The following SUMF1 variants were observed in gnomAD, a reference collection of about 807,000 sequenced individuals.
The protein encoded by SUMF1 is formylglycine-generating enzyme.
Under a neutral mutation model 47.6 loss-of-function variants are expected in SUMF1, and 48 were observed. That is an observed-to-expected ratio of 1.01 (90% CI 0.80 to 1.28). SUMF1 has a LOEUF of 1.28. Ranked by LOEUF, SUMF1 falls within the 50% of genes most tolerant of loss-of-function variation. The probability of loss-of-function intolerance (pLI) is 0.00; values close to 1 mark genes in which losing one functional copy is unlikely to be tolerated. For synonymous variants in SUMF1, 230 were observed against 192.1 expected (o/e 1.20, Z -1.63); for missense variants, 571 against 485.4 (o/e 1.18, Z -1.66).
intron 8 of SUMF1, among the ~76,000 whole-genome samples, chr3:4,303,110 T>A (rs1698013433): frequency 6.6e-6 from 1 of 152,210 alleles, no homozygotes; most frequent in African/African-American, 2.4e-5. Context: ...CCCTCTCTGA[T>A]GCTCCCAGGA....
At chr3:4,460,945 G>A (rs898937139) in intron 1 of SUMF1, among the ~76,000 whole-genome samples, 4 of 151,830 alleles carry the variant, frequency 2.6e-5, no homozygotes, top group African/African-American at 9.7e-5. Flanking sequence ...ATGAGCCACC[G>A]CATCCCACCC....
chr3:4,036,089 T>G lies in SUMF1; in HGVS notation c.1191+32480A>C, dbSNP rs368330692. 6.6e-5 allele frequency among the ~76,000 whole-genome samples: 10 copies of G among 152,268 alleles called. No homozygotes were observed. The East Asian group carries it at 1.4e-3, about 21-fold the overall frequency. ...TTGCTATTAGTGTTTAAAAAAATAA[T>G]GAATGTATTTAGCTCCCACTAGAAT... On this transcript the variant is annotated intron_variant and NMD_transcript_variant, in intron 9 of 12. Coordinates refer to the SUMF1 transcript ENST00000448413.
At chr3:4,299,266 C>G (rs1395550237) in intron 8 of SUMF1, among the ~76,000 whole-genome samples, 1 of 152,204 alleles carries the variant, frequency 6.6e-6, no homozygotes, top group Non-Finnish European at 1.5e-5. Context: ...GGAGAACAAA[C>G]AGCTCCCAGG....
At chr3:4,381,258 G>A (rs1174001685) in intron 7 of SUMF1, among the ~76,000 whole-genome samples, 1 of 152,168 alleles carries the variant, frequency 6.6e-6, no homozygotes, top group Non-Finnish European at 1.5e-5. Context: ...AACATCATAT[G>A]TTCTCACTCA....
At chr3:4,238,548 G>A (rs1452660841) in intron 8 of SUMF1, among the ~76,000 whole-genome samples, 1 of 152,144 alleles carries the variant, frequency 6.6e-6, no homozygotes, top group African/African-American at 2.4e-5. Flanking sequence ...TTTTTCATAT[G>A]TCTGTTGGCT....
At chr3:4,047,971 T>C (rs1012762144) in intron 9 of SUMF1, among the ~76,000 whole-genome samples, 2 of 152,138 alleles carry the variant, frequency 1.3e-5, no homozygotes, top group African/African-American at 4.8e-5. Context: ...CCTCATTTTA[T>C]GGATGGGGAA....
At chr3:4,104,092 T>C (rs926242940) in intron 8 of SUMF1, among the ~76,000 whole-genome samples, 1 of 152,138 alleles carries the variant, frequency 6.6e-6, no homozygotes, top group Non-Finnish European at 1.5e-5. Flanking sequence ...CCAAATCTCA[T>C]CTTGAATTGT....
chr3:4,248,442 T>C (rs1024136604), intron 8 of SUMF1, among the ~76,000 whole-genome samples: 2 of 152,164 alleles, frequency 1.3e-5, no homozygotes, highest in African/African-American at 4.8e-5. Context: ...GAAGAAAAGA[T>C]ACAAGACACA....
chr3:4,296,693 C>T (rs1230962594), intron 8 of SUMF1, among the ~76,000 whole-genome samples: 1 of 152,116 alleles, frequency 6.6e-6, no homozygotes, highest in African/African-American at 2.4e-5. Flanking sequence ...ACAGGAGCTA[C>T]AATTCAAGAT....
At chr3:4,163,753 A>T (rs1453750450) in intron 8 of SUMF1, among the ~76,000 whole-genome samples, 1 of 152,062 alleles carries the variant, frequency 6.6e-6, no homozygotes, top group Non-Finnish European at 1.5e-5. Context: ...TTACCAGTCC[A>T]CATCATAAAG....
intron 8 of SUMF1, among the ~76,000 whole-genome samples, chr3:4,150,391 G>A (rs190868083): frequency 5.3e-5 from 8 of 151,486 alleles, no homozygotes; most frequent in South Asian, 2.1e-4. Context: ...GTGAAATCCC[G>A]TCTCTACTAA....
At chr3:4,276,329 AAT>A (rs1468531928) in intron 8 of SUMF1, among the ~76,000 whole-genome samples, 3 of 152,218 alleles carry the variant, frequency 2.0e-5, no homozygotes, top group Non-Finnish European at 2.9e-5. Context: ...AAAAAGACAT[AAT>A]ATGTTTAACT....
chr3:4,096,266 G>C (rs941461334), intron 8 of SUMF1, among the ~76,000 whole-genome samples: 4 of 152,066 alleles, frequency 2.6e-5, no homozygotes, highest in African/African-American at 7.2e-5. Context: ...CAGTAAGTAC[G>C]GAGTGAGGAC....
intron 8 of SUMF1, among the ~76,000 whole-genome samples, chr3:4,371,271 G>A (rs1007136362): frequency 3.9e-5 from 6 of 152,146 alleles, no homozygotes; most frequent in Admixed American, 3.9e-4. Flanking sequence ...CAGGGAAAGT[G>A]GGAAGGACCT....
At chr3:4,199,505 G>T (rs1441700112) in intron 8 of SUMF1, among the ~76,000 whole-genome samples, 1 of 152,092 alleles carries the variant, frequency 6.6e-6, no homozygotes, top group African/African-American at 2.4e-5. Flanking sequence ...GAAATTTCTG[G>T]GTTGTATGGT....
chr3:4,108,060 G>C lies in SUMF1; in HGVS notation c.1015-39315C>G, dbSNP rs192168434. ...GGGAATAAACTATAGTATATCGAAG[G>C]CTAGAACAGTGTTTTTCAAACTGTA... is the stretch of plus-strand genomic sequence containing the variant. On this transcript the variant is annotated intron_variant and NMD_transcript_variant, in intron 8 of 12. Transcript: ENST00000448413. Among the ~76,000 whole-genome samples, 105 of 152,204 alleles carry C rather than the reference G, an allele frequency of 6.9e-4. 3 individuals carry two copies. The highest frequency in any genetic ancestry group is 2.3e-3 in the African/African-American group (97 of 41,504).
chr3:4,058,033 G>T (rs906300206), intron 9 of SUMF1, among the ~76,000 whole-genome samples: 3 of 152,098 alleles, frequency 2.0e-5, no homozygotes, highest in Non-Finnish European at 4.4e-5. Flanking sequence ...GGACACTGTT[G>T]TAAGTACTTT....
chr3:4,237,558 A>G lies in SUMF1; in HGVS notation c.1014+138772T>C, dbSNP rs781250660. On this transcript the variant is annotated intron_variant and NMD_transcript_variant, in intron 8 of 12. Transcript: ENST00000448413. Reference sequence around the variant, plus strand: ...TTTATCATACATGTCTTTTGCAAATATTTTTCTCCCAGTCTGTCACTTATC... The same window carrying G: ...TTTATCATACATGTCTTTTGCAAATGTTTTTCTCCCAGTCTGTCACTTATC... Among the ~76,000 whole-genome samples the G allele has an allele frequency of 2.6e-5, 4 of 151,924 alleles. No homozygotes were observed. The East Asian group carries it at 7.7e-4, about 29-fold the overall frequency.
chr3:4,320,448 G>T (rs1004558473), intron 8 of SUMF1, among the ~76,000 whole-genome samples: 5 of 152,094 alleles, frequency 3.3e-5, no homozygotes, highest in South Asian at 2.1e-4. Context: ...AGAAGAGAAA[G>T]ACCATTTTAA....
Sources: allele counts gnomAD v4.1 joint callset (sites outside exome capture counted in the v4.1 genomes callset), GRCh38; gene constraint gnomAD v4.1.1; transcripts MANE v1.5; gene names NCBI Gene and HGNC (gene_info 2026-07-23, HGNC 2026-07-21).